Variants in PGM2 observed in about 807,000 individuals in gnomAD.
PGM2 encodes the protein phosphoglucomutase 2.
A neutral mutation model predicts 74.6 loss-of-function variants in PGM2; 57 were observed. The observed-to-expected ratio is 0.76, with a 90% CI of 0.62 to 0.95. PGM2 has a LOEUF of 0.95. PGM2 is among the 40% of genes least tolerant of loss of function. The pLI is 0.00. For missense variants in PGM2, 706 were observed against 741.9 expected, an observed-to-expected ratio of 0.95 and a Z score of 0.56; for synonymous variants, 273 against 260.7, an observed-to-expected ratio of 1.05 and a Z score of -0.46.
Position 37,862,515 on chromosome 4 carries a change from T to G in PGM2, c.*903T>G, listed in dbSNP as rs1431239022. The G allele has an allele frequency of 3.3e-5, 5 of 152,162 alleles. No individual in the cohort carries two copies. The highest frequency in any genetic ancestry group is 3.3e-4 in the Admixed American group (5 of 15,234). The allele number at this position is 152,162 out of a possible 1,614,324, so 9.4% of individuals were successfully genotyped here. On this transcript the variant is annotated 3_prime_UTR_variant, in exon 14 of 14. Coordinates refer to ENST00000381967, the MANE Select transcript of PGM2 (RefSeq NM_018290.4). ...TATGATAGATTTCCTATAAGCCAAT[T>G]TCTAATAACAAATAGATTTATTATT...
chr4:37,826,848 C>T (rs187036608), intron 1 of PGM2, 35 bp downstream of exon 1: 28,631 of 1,395,998 alleles, frequency 0.021, 376 homozygotes, highest in Non-Finnish European at 0.025. Context: ...GCGCCTGGAG[C>T]GGGGCCGGGT....
intron 6 of PGM2, among the ~76,000 whole-genome samples, chr4:37,841,803 T>C (rs1029491968): frequency 6.6e-6 from 1 of 152,256 alleles, no homozygotes; most frequent in Non-Finnish European, 1.5e-5. Flanking sequence ...ACTCCCCTTG[T>C]GCACAGTTGC....
At chr4:37,850,119 T>C in intron 11 of PGM2, 65 bp from the exon 12 acceptor site, 1 of 904,910 alleles carries the variant, frequency 1.1e-6, no homozygotes, top group East Asian at 2.5e-5. Flanking sequence ...GGTTGGTACA[T>C]GTTCTGTGTC....
At chr4:37,844,326 C>G in intron 6 of PGM2, 38 bp from the exon 7 acceptor site, 1 of 1,400,008 alleles carries the variant, frequency 7.1e-7, no homozygotes, top group Non-Finnish European at 9.9e-7. Flanking sequence ...AGCCCTGTTT[C>G]TGCCTTGTAT....
At chr4:37,828,587 C>T (rs924137099) in intron 1 of PGM2, among the ~76,000 whole-genome samples, 1 of 152,160 alleles carries the variant, frequency 6.6e-6, no homozygotes, top group Non-Finnish European at 1.5e-5. Context: ...TGCTCACTGC[C>T]AGGGCTGATT....
At chr4:37,854,589 G>A (rs1726139916) in intron 12 of PGM2, among the ~76,000 whole-genome samples, 1 of 151,846 alleles carries the variant, frequency 6.6e-6, no homozygotes, top group South Asian at 2.1e-4. Context: ...GGCCTCATGT[G>A]ATCCGCCCTC....
At chr4:37,846,115 CAAGGAGATGCTGAATTTAGTT>C (rs1725862696) in intron 8 of PGM2, among the ~76,000 whole-genome samples, 1 of 152,088 alleles carries the variant, frequency 6.6e-6, no homozygotes, top group African/African-American at 2.4e-5. Flanking sequence ...GCAGTACCTT[CAAGGAGATGCTGAATTTAGTT>C]TGGACAGACC....
intron 12 of PGM2, among the ~76,000 whole-genome samples, chr4:37,852,365 T>C (rs1425842926): frequency 1.3e-5 from 2 of 152,096 alleles, no homozygotes; most frequent in Admixed American, 1.3e-4. Context: ...CTCAGTAGGG[T>C]TTTCCTGGTC....
At chr4:37,855,777 C>G (rs759278523) in intron 13 of PGM2, 36 bp downstream of exon 13, 14 of 1,550,294 alleles carry the variant, frequency 9.0e-6, no homozygotes, top group Non-Finnish European at 1.2e-5. Flanking sequence ...GATTTTTACT[C>G]CCCAGACTTC....
chr4:37,845,551 C>T, intron 7 of PGM2, 82 bp from the exon 8 acceptor site: 1 of 946,750 alleles, frequency 1.1e-6, no homozygotes, highest in South Asian at 1.3e-5. Flanking sequence ...CTCTTGAGTT[C>T]TTAAGGAACT....
At chr4:37,857,444 A>T (rs7697466) in intron 13 of PGM2, among the ~76,000 whole-genome samples, 70,673 of 152,032 alleles carry the variant, frequency 0.46, 16,837 homozygotes, top group Non-Finnish European at 0.5. Flanking sequence ...AAGTATAACA[A>T]ACTTTTCTTA....
At chr4:37,855,346 G>A (rs1726164719) in intron 12 of PGM2, among the ~76,000 whole-genome samples, 1 of 152,072 alleles carries the variant, frequency 6.6e-6, no homozygotes, top group Non-Finnish European at 1.5e-5. Flanking sequence ...TGTCTTCCAG[G>A]TTCTTCCATA....
intron 2 of PGM2, among the ~76,000 whole-genome samples, chr4:37,831,048 G>A (rs1429396131): frequency 6.6e-6 from 1 of 151,988 alleles, no homozygotes; most frequent in Non-Finnish European, 1.5e-5. Context: ...ACAAAAATTA[G>A]CCAGGCGTGG....
chr4:37,839,667 G>A (rs1211823365), intron 4 of PGM2, 181 bp from the exon 5 acceptor site: 2 of 693,056 alleles, frequency 2.9e-6, no homozygotes, highest in Admixed American at 2.0e-5. Flanking sequence ...ATTATGAGCA[G>A]CCAGTTAATT....
Position 37,838,806 on chromosome 4 carries a change from C to T in PGM2, c.442-1042C>T, listed in dbSNP as rs138059542. Among the ~76,000 whole-genome samples the T allele has an allele frequency of 3.4e-3, 525 of 152,266 alleles. 7 individuals are homozygous for T. The highest frequency in any genetic ancestry group is 0.011 in the African/African-American group (470 of 41,552). ...TGAATTGAACCAGTGTATCATGATC[C>T]TCTGCCCACACTGAGGAGTCGTCCT... On this transcript the variant is annotated intron_variant, in intron 4 of 13. Coordinates refer to ENST00000381967, the MANE Select transcript of PGM2 (RefSeq NM_018290.4).
intron 3 of PGM2, among the ~76,000 whole-genome samples, chr4:37,836,309 C>T (rs142045782): frequency 2.0e-5 from 3 of 152,270 alleles, no homozygotes; most frequent in Non-Finnish European, 2.9e-5. Flanking sequence ...TCACCTGTAA[C>T]GCGTGAGACA....
rs1485916252 is a variant in PGM2 at position 37,837,529 on chromosome 4, G to A, written c.357G>A (p.Arg119=). 6.2e-7 allele frequency: 1 copy of A among 1,605,304 alleles called. No homozygotes were observed. The highest frequency in any genetic ancestry group is 8.5e-7 in the Non-Finnish European group (1 of 1,172,170). The change falls in exon 4 of 14, where the codon AGG becomes AGA. Residue 119 remains arginine, a splice_region_variant and synonymous_variant. Transcript: ENST00000381967. ...AHPSSGGSSR[R]FARLAATTFI... is the part of the protein sequence containing the mutation. ...CTTCCCTGTCACTCTGCATTCTCAG[G>A]TTTGCCCGACTTGCTGCAACCACAT...
At chr4:37,858,047 T>C (rs1305028325) in intron 13 of PGM2, among the ~76,000 whole-genome samples, 1 of 152,098 alleles carries the variant, frequency 6.6e-6, no homozygotes, top group African/African-American at 2.4e-5. Flanking sequence ...TGAAAATATA[T>C]CTTATACTTC....
At chr4:37,850,106 A>T in intron 11 of PGM2, 78 bp from the exon 12 acceptor site, 1 of 794,944 alleles carries the variant, frequency 1.3e-6, no homozygotes, top group South Asian at 1.7e-5. Context: ...TTTAGAATAC[A>T]CTGGTTGGTA....
Sources: gnomAD v4.1 joint callset for allele counts (sites outside exome capture counted in the v4.1 genomes callset) on GRCh38, gnomAD v4.1.1 for gene constraint, MANE v1.5 for transcripts, NCBI Gene and HGNC (gene_info 2026-07-23, HGNC 2026-07-21) for gene names.